AZIN1: variants seen among roughly 807,000 people sequenced by gnomAD.
AZIN1 encodes antizyme inhibitor 1.
Under a neutral mutation model 47.4 loss-of-function variants are expected in AZIN1, and 12 were observed. The ratio of observed to expected loss-of-function variants is 0.25; its 90% CI spans 0.16 to 0.41. The LOEUF (loss-of-function observed/expected upper bound fraction) is 0.41. Ranked by LOEUF, AZIN1 falls within the 10% of genes least tolerant of loss-of-function variation. The pLI is 1.00. For missense variants in AZIN1, 410 were observed against 532.4 expected (o/e 0.77, Z 2.26); for synonymous variants, 155 against 176.3 (o/e 0.88, Z 0.96).
chr8:102,837,520 G>T (rs1811900579), intron 5 of AZIN1, among the ~76,000 whole-genome samples: 1 of 152,120 alleles, frequency 6.6e-6, no homozygotes, highest in Non-Finnish European at 1.5e-5. Context: ...GGACAAGATT[G>T]ATGAAAGCAA....
At chr8:102,843,220 A>G (rs943900348) in intron 3 of AZIN1, among the ~76,000 whole-genome samples, 27 of 152,124 alleles carry the variant, frequency 1.8e-4, no homozygotes, top group African/African-American at 5.3e-4. Flanking sequence ...AAAAAAAAAA[A>G]AAAGAAAATT....
Position 102,836,172 on chromosome 8 carries a change from A to C in AZIN1, c.584+84T>G, listed in dbSNP as rs993452594. ...AAAATTGCATCTTAGATTTCATGCAAATAAAGTCTTAAATCAATAACCAGA... is the reference window on the plus strand; with the variant it reads ...AAAATTGCATCTTAGATTTCATGCACATAAAGTCTTAAATCAATAACCAGA... On this transcript the variant is annotated intron_variant, in intron 6 of 11. Coordinates refer to ENST00000337198, the MANE Select transcript of AZIN1 (RefSeq NM_148174.4). 44 of 1,402,168 alleles carry C rather than the reference A, an allele frequency of 3.1e-5. No homozygotes were observed. In the African/African-American group the frequency reaches 5.9e-4, roughly 19 times the overall value. 86.9% of individuals were successfully genotyped at this position (1,402,168 alleles called of 1,614,324 possible). A position where few individuals can be genotyped will look rare whatever the true frequency, so the allele number is the denominator to read the frequency against.
chr8:102,863,020 T>A (rs1456653281), intron 1 of AZIN1, among the ~76,000 whole-genome samples: 1 of 152,218 alleles, frequency 6.6e-6, no homozygotes, highest in African/African-American at 2.4e-5. Context: ...GAAGCCATGG[T>A]GACTAATCCT....
chr8:102,830,421 GA>G (rs1440388946), intron 9 of AZIN1, among the ~76,000 whole-genome samples: 11 of 133,490 alleles, frequency 8.2e-5, no homozygotes, highest in Admixed American at 8.1e-4. Flanking sequence ...AAAAAAAAAA[GA>G]AAAAAGTATT....
At chr8:102,861,093 T>C (rs1233413613) in intron 1 of AZIN1, among the ~76,000 whole-genome samples, 7 of 152,242 alleles carry the variant, frequency 4.6e-5, no homozygotes, top group African/African-American at 1.7e-4. Context: ...CCAAAGTCAG[T>C]TTCTTAGTTT....
chr8:102,840,104 G>T (rs992424928), intron 3 of AZIN1, among the ~76,000 whole-genome samples: 10 of 152,156 alleles, frequency 6.6e-5, no homozygotes, highest in Admixed American at 5.2e-4. Flanking sequence ...ATCAATTACA[G>T]TGACAAAAGT....
chr8:102,839,129 C>T (rs1417668111), intron 4 of AZIN1, among the ~76,000 whole-genome samples: 2 of 152,104 alleles, frequency 1.3e-5, no homozygotes, highest in African/African-American at 2.4e-5. Context: ...CAAAGTGCTA[C>T]GAGTACAGGT....
At chr8:102,848,596 G>C (rs1003393625) in intron 2 of AZIN1, among the ~76,000 whole-genome samples, 1 of 152,090 alleles carries the variant, frequency 6.6e-6, no homozygotes, top group African/African-American at 2.4e-5. Flanking sequence ...AATGCCACTT[G>C]GAAACCCAGT....
chr8:102,834,726 G>A lies in AZIN1; in HGVS notation c.606C>T (p.Cys202=). The A allele has an allele frequency of 6.2e-7, 1 of 1,611,646 alleles. No individual in the cohort carries two copies. Residue 202 remains cysteine (C), a synonymous_variant, in exon 7 of 12, where the codon TGC becomes TGT. Coordinates refer to ENST00000337198, the MANE Select transcript of AZIN1 (RefSeq NM_148174.4). Reference sequence around the variant, plus strand: ...CATGTACATATACTTGAGATTCTTTGCAAGCACTCGAAACATGAAATCTGA... The same window carrying A: ...CATGTACATATACTTGAGATTCTTTACAAGCACTCGAAACATGAAATCTGA... ...IGVKFHVSSA[C]KESQVYVHAL... is the part of the protein sequence containing the mutation.
At chr8:102,844,378 G>A (rs1476939693) in intron 2 of AZIN1, among the ~76,000 whole-genome samples, 1 of 151,894 alleles carries the variant, frequency 6.6e-6, no homozygotes, top group Non-Finnish European at 1.5e-5. Flanking sequence ...ATAGGTGAAA[G>A]TAATAAAAAT....
chr8:102,843,716 C>G lies in AZIN1; in HGVS notation c.-64G>C, dbSNP rs1350786901. Reference sequence around the variant, plus strand: ...GAAAGACAAGAGACGGGCCACCAAGCCTATGTCTGGGTCCTTAGAATATGC... The same window carrying G: ...GAAAGACAAGAGACGGGCCACCAAGGCTATGTCTGGGTCCTTAGAATATGC... On this transcript the variant is annotated 5_prime_UTR_variant, in exon 3 of 12. Transcript: ENST00000337198. The G allele has an allele frequency of 1.2e-6, 2 of 1,604,556 alleles. No individual in the cohort carries two copies. Among genetic ancestry groups the G allele is most frequent in the Non-Finnish European group, 1.7e-6 (2 of 1,176,036 alleles).
chr8:102,844,015 T>TACA (rs1304995848), intron 2 of AZIN1, among the ~76,000 whole-genome samples: 4 of 152,242 alleles, frequency 2.6e-5, no homozygotes, highest in Admixed American at 6.5e-5. Context: ...TCACCTTACT[T>TACA]ACAGAGTTGC....
At chr8:102,856,541 A>C (rs555824463) in intron 2 of AZIN1, among the ~76,000 whole-genome samples, 9 of 152,360 alleles carry the variant, frequency 5.9e-5, no homozygotes, top group African/African-American at 2.2e-4. Context: ...TAGAAATATT[A>C]ACTATAATGC....
At chr8:102,841,805 T>TAAAAAAAAAAA (rs1269379100) in intron 3 of AZIN1, among the ~76,000 whole-genome samples, 1 of 114,442 alleles carries the variant, frequency 8.7e-6, no homozygotes. Context: ...TATATATATA[T>TAAAAAAAAAAA]AAAAAAAAAA....
intron 4 of AZIN1, 83 bp from the exon 5 acceptor site, chr8:102,838,999 C>T: frequency 1.6e-6 from 2 of 1,255,472 alleles, no homozygotes; most frequent in Non-Finnish European, 2.2e-6. Flanking sequence ...ATTACCCCCA[C>T]CCCTTTTAAA....
In AZIN1 at chr8:102,839,638, A is replaced by G. The variant is rs1586171115; in HGVS notation, c.276+12T>C. ...AATGTTTCAGTTTAGTTAAAAAATG[A>G]AAAATACTTACTTTACTGGAACAAG... On this transcript the variant is annotated intron_variant, in intron 4 of 11. Transcript: ENST00000337198. 6.6e-7 allele frequency: 1 copy of G among 1,517,124 alleles called. No individual in the cohort carries two copies. Among genetic ancestry groups the G allele is most frequent in the East Asian group, 2.4e-5 (1 of 42,548 alleles). The allele number at this position is 1,517,124 out of a possible 1,614,324, so 94.0% of individuals were successfully genotyped here.
chr8:102,852,444 G>A (rs766699275), intron 2 of AZIN1, among the ~76,000 whole-genome samples: 9 of 152,190 alleles, frequency 5.9e-5, no homozygotes, highest in Admixed American at 3.3e-4. Flanking sequence ...GCATGGTGGT[G>A]TGTGCCTGTA....
intron 4 of AZIN1, 25 bp from the exon 5 acceptor site, chr8:102,838,941 A>G: frequency 6.3e-7 from 1 of 1,593,448 alleles, no homozygotes; most frequent in African/African-American, 1.3e-5. Flanking sequence ...TTAAAGTGAG[A>G]ATACATAATG....
chr8:102,849,828 G>GT (rs985574590), intron 2 of AZIN1, among the ~76,000 whole-genome samples: 4 of 152,026 alleles, frequency 2.6e-5, no homozygotes, highest in South Asian at 2.1e-4. Context: ...TCATATGGGT[G>GT]TTTTTTTAAT....
Sources: allele counts gnomAD v4.1 joint callset (sites outside exome capture counted in the v4.1 genomes callset), GRCh38; gene constraint gnomAD v4.1.1; transcripts MANE v1.5; gene names NCBI Gene and HGNC (gene_info 2026-07-23, HGNC 2026-07-21).